ARK2C: variants seen among roughly 807,000 people sequenced by gnomAD.
ARK2C encodes the protein E3 ubiquitin-protein ligase ARK2C.
At chr18:46,356,212 G>A in the ARK2C span, among the ~76,000 whole-genome samples, 118 of 152,274 alleles carry the variant, frequency 7.7e-4, no homozygotes, top group African/African-American at 2.7e-3. Flanking sequence ...ATGTCAATCC[G>A]TGACCAGCCG....
chr18:46,394,065 G>A, the ARK2C span, among the ~76,000 whole-genome samples: 1 of 152,160 alleles, frequency 6.6e-6, no homozygotes, highest in East Asian at 1.9e-4. Context: ...GTTGCCCTCG[G>A]GTACCGGAAA....
the ARK2C span, among the ~76,000 whole-genome samples, chr18:46,424,395 C>T: frequency 6.6e-6 from 1 of 152,158 alleles, no homozygotes; most frequent in Non-Finnish European, 1.5e-5. Flanking sequence ...ATGCTTAGAA[C>T]TGTGCTTTAG....
At chr18:46,354,378 A>G in the ARK2C span, among the ~76,000 whole-genome samples, 1 of 152,232 alleles carries the variant, frequency 6.6e-6, no homozygotes, top group African/African-American at 2.4e-5. Context: ...GCCAGGGCCC[A>G]TGCACACACT....
At chr18:46,399,329 C>T in the ARK2C span, among the ~76,000 whole-genome samples, 2 of 152,286 alleles carry the variant, frequency 1.3e-5, no homozygotes, top group Admixed American at 6.5e-5. Flanking sequence ...ATGGGGATCA[C>T]GCGGGCATCA....
At chr18:46,452,142 G>C in the ARK2C span, among the ~76,000 whole-genome samples, 5 of 152,262 alleles carry the variant, frequency 3.3e-5, no homozygotes, top group African/African-American at 1.2e-4. Flanking sequence ...TAATGTAAAT[G>C]AATGAACTTC....
the ARK2C span, among the ~76,000 whole-genome samples, chr18:46,408,977 G>C: frequency 5.3e-5 from 8 of 152,152 alleles, no homozygotes; most frequent in South Asian, 2.1e-4. Context: ...TTTAAAGTTT[G>C]TCCTTGGGAA....
the ARK2C span, among the ~76,000 whole-genome samples, chr18:46,354,761 A>T: frequency 6.6e-6 from 1 of 152,216 alleles, no homozygotes; most frequent in Non-Finnish European, 1.5e-5. Context: ...GCGATGGTCC[A>T]CTGTGCAATA....
At chr18:46,356,835 T>C in the ARK2C span, among the ~76,000 whole-genome samples, 29 of 152,322 alleles carry the variant, frequency 1.9e-4, no homozygotes, top group African/African-American at 7.0e-4. Flanking sequence ...TCAGGCATGG[T>C]GCAAGAGACA....
the ARK2C span, among the ~76,000 whole-genome samples, chr18:46,421,888 G>A: frequency 2.0e-5 from 3 of 152,164 alleles, no homozygotes; most frequent in African/African-American, 4.8e-5. Context: ...TGGCCCTGGG[G>A]AAGCATCACA....
chr18:46,356,722 C>A, the ARK2C span, among the ~76,000 whole-genome samples: 1 of 152,304 alleles, frequency 6.6e-6, no homozygotes, highest in East Asian at 1.9e-4. Context: ...TCCCAGGGCT[C>A]CACCTCCCCA....
the ARK2C span, among the ~76,000 whole-genome samples, chr18:46,378,770 C>T: frequency 2.4e-4 from 36 of 152,134 alleles, no homozygotes; most frequent in African/African-American, 8.2e-4. Flanking sequence ...CTTGGCATCA[C>T]GAAGCATCCA....
the ARK2C span, among the ~76,000 whole-genome samples, chr18:46,405,128 A>G: frequency 6.6e-6 from 1 of 152,100 alleles, no homozygotes. Flanking sequence ...ATTATTTTCA[A>G]CATGTCTATG....
chr18:46,362,786 C>G, the ARK2C span, among the ~76,000 whole-genome samples: 7 of 152,250 alleles, frequency 4.6e-5, no homozygotes, highest in Non-Finnish European at 1.0e-4. Flanking sequence ...GCACTTCCCT[C>G]TAGTCCTCTT....
At chr18:46,418,700 T>G in the ARK2C span, among the ~76,000 whole-genome samples, 5 of 152,336 alleles carry the variant, frequency 3.3e-5, no homozygotes, top group Admixed American at 2.6e-4. Context: ...GATGATTGAA[T>G]AAGTCAAATT....
the ARK2C span, among the ~76,000 whole-genome samples, chr18:46,370,587 G>A: frequency 2.0e-5 from 3 of 152,186 alleles, no homozygotes; most frequent in Non-Finnish European, 4.4e-5. Flanking sequence ...GGCAGTCATC[G>A]CTATTTGCCA....
the ARK2C span, among the ~76,000 whole-genome samples, chr18:46,452,427 G>A: frequency 1.3e-5 from 2 of 151,956 alleles, no homozygotes; most frequent in South Asian, 2.1e-4. Flanking sequence ...TTACAAGCAT[G>A]TGCCACCACA....
chr18:46,397,767 GGT>G, the ARK2C span, among the ~76,000 whole-genome samples: 1 of 118,202 alleles, frequency 8.5e-6, no homozygotes, highest in Non-Finnish European at 1.8e-5. Context: ...GTGTGCATGT[GGT>G]GTGTGTGTGT....
chr18:46,455,955 C>A, the ARK2C span: 12 of 1,534,454 alleles, frequency 7.8e-6, no homozygotes, highest in Non-Finnish European at 1.1e-5. Flanking sequence ...ATGAATACTA[C>A]TCTCTCTGCT....
chr18:46,461,352 G>C, the ARK2C span: 1 of 152,430 alleles, frequency 6.6e-6, no homozygotes, highest in Non-Finnish European at 1.5e-5. Context: ...AGAGAAGAAA[G>C]AGGGAGAAAA....
Sources: allele counts gnomAD v4.1 joint callset (sites outside exome capture counted in the v4.1 genomes callset), GRCh38; gene constraint gnomAD v4.1.1; transcripts MANE v1.5; gene names NCBI Gene and HGNC (gene_info 2026-07-23, HGNC 2026-07-21).